The following KCND2 variants were observed in gnomAD, a reference collection of about 807,000 sequenced individuals.
KCND2 encodes potassium voltage-gated channel subfamily D member 2.
In KCND2, 16 loss-of-function variants were observed where a neutral mutation model predicts 54.4. That is an observed-to-expected ratio of 0.29 (90% CI 0.20 to 0.45). KCND2 has a LOEUF of 0.45. Ranked by LOEUF, KCND2 falls within the 20% of genes least tolerant of loss-of-function variation. The pLI is 1.00. For missense variants in KCND2, 486 were observed against 824.2 expected (o/e 0.59, Z 5.02); for synonymous variants, 317 against 310.7 (o/e 1.02, Z -0.21).
At chr7:120,450,678 A>C (rs2116216426) in intron 1 of KCND2, among the ~76,000 whole-genome samples, 1 of 152,342 alleles carries the variant, frequency 6.6e-6, no homozygotes, top group South Asian at 2.1e-4. Flanking sequence ...AAAGAAGACA[A>C]AGGAAATACA....
intron 1 of KCND2, among the ~76,000 whole-genome samples, chr7:120,343,053 T>C (rs1052355291): frequency 2.0e-5 from 3 of 152,158 alleles, no homozygotes; most frequent in African/African-American, 7.2e-5. Context: ...TTGAATCCTC[T>C]GTATGTGGCC....
intron 1 of KCND2, among the ~76,000 whole-genome samples, chr7:120,642,648 T>TC (rs768003910): frequency 5.9e-5 from 9 of 151,586 alleles, no homozygotes; most frequent in Admixed American, 5.9e-4. Flanking sequence ...GGGTTTTTTT[T>TC]CCTCCTTTGT....
chr7:120,285,095 C>T (rs574201079), intron 1 of KCND2, among the ~76,000 whole-genome samples: 16 of 152,174 alleles, frequency 1.1e-4, no homozygotes, highest in African/African-American at 3.1e-4. Context: ...AGAAATAAAG[C>T]GTAGCAGTTG....
chr7:120,315,287 C>G (rs1245817140), intron 1 of KCND2, among the ~76,000 whole-genome samples: 1 of 152,116 alleles, frequency 6.6e-6, no homozygotes, highest in South Asian at 2.1e-4. Flanking sequence ...CAAGAGTTTT[C>G]TGTGGGAATT....
intron 1 of KCND2, among the ~76,000 whole-genome samples, chr7:120,570,428 A>G (rs1792349901): frequency 6.6e-6 from 1 of 152,112 alleles, no homozygotes; most frequent in Non-Finnish European, 1.5e-5. Context: ...AAAAAAAAAA[A>G]AACAGCTTGT....
chr7:120,454,270 TTTG>T (rs1395236860), intron 1 of KCND2, among the ~76,000 whole-genome samples: 3 of 151,062 alleles, frequency 2.0e-5, no homozygotes, highest in Admixed American at 6.6e-5. Flanking sequence ...AGCCCAGGAG[TTTG>T]TTATTTAAAA....
At chr7:120,450,257 A>G (rs1387224699) in intron 1 of KCND2, among the ~76,000 whole-genome samples, 1 of 152,122 alleles carries the variant, frequency 6.6e-6, no homozygotes, top group Admixed American at 6.5e-5. Flanking sequence ...TAAAAATACA[A>G]ATATTAGCTG....
At chr7:120,674,196 G>T (rs1348965417) in intron 1 of KCND2, among the ~76,000 whole-genome samples, 1 of 151,982 alleles carries the variant, frequency 6.6e-6, no homozygotes, top group Non-Finnish European at 1.5e-5. Context: ...GAGCCACTAC[G>T]CCCAGCCACC....
rs2116201443 is a variant in KCND2 at position 120,749,513 on chromosome 7, A to G, written c.*1655A>G. The G allele has an allele frequency of 6.6e-6, 1 of 152,506 alleles. No homozygotes were observed. Among genetic ancestry groups the G allele is most frequent in the East Asian group, 1.9e-4 (1 of 5,178 alleles). The allele number at this position is 152,506 out of a possible 1,614,324, so 9.4% of individuals were successfully genotyped here. On this transcript the variant is annotated 3_prime_UTR_variant, in exon 6 of 6. Coordinates refer to ENST00000331113, the MANE Select transcript of KCND2 (RefSeq NM_012281.3). ...TAGCTTCTGTACATGGAAAGAGCTA[A>G]TAATTATCCCTCTGTCAGAGATGAG...
intron 1 of KCND2, among the ~76,000 whole-genome samples, chr7:120,513,191 CA>C (rs1254283983): frequency 6.6e-6 from 1 of 152,102 alleles, no homozygotes; most frequent in Admixed American, 6.6e-5. Flanking sequence ...TTGACCTGAT[CA>C]GCTCATAAAA....
intron 1 of KCND2, among the ~76,000 whole-genome samples, chr7:120,677,548 GAT>G (rs754799759): frequency 0.052 from 6,419 of 122,540 alleles, 250 homozygotes; most frequent in African/African-American, 0.14. Flanking sequence ...TATAGATATA[GAT>G]ATATAGATAT....
intron 1 of KCND2, among the ~76,000 whole-genome samples, chr7:120,394,468 T>C (rs1003929537): frequency 6.6e-6 from 1 of 151,930 alleles, no homozygotes; most frequent in Non-Finnish European, 1.5e-5. Flanking sequence ...AACTCACGAA[T>C]CTTGTGACCT....
At position 120,737,062 on chromosome 7, in the gene KCND2, ACAC is replaced by A. The variant is rs1562924279; in HGVS notation, c.1278+3998_1278+4000del. On this transcript the variant is annotated intron_variant, in intron 2 of 5. Coordinates refer to ENST00000331113, the MANE Select transcript of KCND2 (RefSeq NM_012281.3). ...CACACACACACACACACACACACAC[ACAC>A]ACACACACACAAACAAAAAAAAAAA... Among the ~76,000 whole-genome samples the A allele has an allele frequency of 4.2e-5, 6 of 144,542 alleles. 1 individual carries two copies. The highest frequency in any genetic ancestry group is 1.6e-4 in the African/African-American group (6 of 38,044). The allele number at this position is 144,542 out of a possible 152,430, so 94.8% of individuals were successfully genotyped here.
intron 1 of KCND2, among the ~76,000 whole-genome samples, chr7:120,402,147 T>C (rs1241436563): frequency 6.6e-6 from 1 of 152,210 alleles, no homozygotes; most frequent in East Asian, 1.9e-4. Context: ...AACAAGATTC[T>C]AATGCTTTGT....
intron 1 of KCND2, among the ~76,000 whole-genome samples, chr7:120,459,258 C>T: frequency 6.6e-6 from 1 of 152,162 alleles, no homozygotes; most frequent in Admixed American, 6.5e-5. Flanking sequence ...ATCTGTGCTC[C>T]TGCCTTACTG....
At chr7:120,520,944 CAA>C (rs1387029939) in intron 1 of KCND2, among the ~76,000 whole-genome samples, 26 of 151,998 alleles carry the variant, frequency 1.7e-4, no homozygotes. Flanking sequence ...TCTAATGAGA[CAA>C]AAGAGAATGG....
intron 1 of KCND2, among the ~76,000 whole-genome samples, chr7:120,323,519 A>G (rs963600646): frequency 2.4e-4 from 36 of 150,598 alleles, no homozygotes; most frequent in African/African-American, 7.6e-4. Context: ...TCATTGTTCA[A>G]TTCCCACCTA....
At chr7:120,653,990 G>A (rs981323979) in intron 1 of KCND2, among the ~76,000 whole-genome samples, 8 of 152,112 alleles carry the variant, frequency 5.3e-5, no homozygotes, top group African/African-American at 1.9e-4. Flanking sequence ...TCTCTACCCA[G>A]CTTTAAATTG....
intron 1 of KCND2, among the ~76,000 whole-genome samples, chr7:120,529,572 A>G (rs918186623): frequency 2.0e-5 from 3 of 152,172 alleles, no homozygotes; most frequent in African/African-American, 7.2e-5. Context: ...GGATTATTTC[A>G]TAGTCAGTTT....
Sources: allele counts gnomAD v4.1 joint callset (sites outside exome capture counted in the v4.1 genomes callset), GRCh38; gene constraint gnomAD v4.1.1; transcripts MANE v1.5; gene names NCBI Gene and HGNC (gene_info 2026-07-23, HGNC 2026-07-21).